PRKD1: variants seen among roughly 807,000 people sequenced by gnomAD.
The protein encoded by PRKD1 is protein kinase D1.
A neutral mutation model predicts 95.9 loss-of-function variants in PRKD1; 63 were observed. The observed-to-expected ratio is 0.66, with a 90% CI of 0.54 to 0.81. PRKD1 has a LOEUF of 0.81. Among genes scored for constraint, PRKD1 ranks in the 30% least tolerant of loss-of-function variants. PRKD1 has a pLI of 0.00. For synonymous variants in PRKD1, 425 were observed against 423.1 expected (o/e 1.00, Z -0.05); for missense variants, 1,048 against 1,165.3 (o/e 0.90, Z 1.47).
At chr14:29,908,710 C>G (rs1218732914) in intron 1 of PRKD1, among the ~76,000 whole-genome samples, 1 of 152,212 alleles carries the variant, frequency 6.6e-6, no homozygotes, top group African/African-American at 2.4e-5. Context: ...TGCAATAAAT[C>G]TATATACCAA....
At chr14:29,768,999 AC>A (rs1888386673) in intron 1 of PRKD1, among the ~76,000 whole-genome samples, 1 of 151,956 alleles carries the variant, frequency 6.6e-6, no homozygotes, top group Non-Finnish European at 1.5e-5. Flanking sequence ...CCCTACCACC[AC>A]CCTCACATTC....
intron 1 of PRKD1, among the ~76,000 whole-genome samples, chr14:29,864,139 TA>T (rs1481749178): frequency 6.6e-6 from 1 of 152,074 alleles, no homozygotes; most frequent in East Asian, 1.9e-4. Context: ...CCACATTAAT[TA>T]AAACATTTTG....
In PRKD1 at chr14:29,593,135, C is replaced by T. The variant is rs143326506; in HGVS notation, c.2434+4356G>A. ...AATACTCAAAGGCTGGGTGATTAAA[C>T]GAATTCACATATGAGTGTTTAGAAT... On this transcript the variant is annotated intron_variant, in intron 16 of 17. Transcript: ENST00000331968. Among the ~76,000 whole-genome samples the T allele has an allele frequency of 2.6e-3, 394 of 152,066 alleles. 1 individual carries two copies. Among genetic ancestry groups the T allele is most frequent in the African/African-American group, 9.1e-3 (379 of 41,482 alleles).
chr14:29,660,919 CA>C (rs904204272), intron 4 of PRKD1, among the ~76,000 whole-genome samples: 77 of 142,754 alleles, frequency 5.4e-4, no homozygotes, highest in Middle Eastern at 3.5e-3. Context: ...TGATAGTTTA[CA>C]AAAAAAAAAA....
At chr14:29,578,433 C>A in intron 16 of PRKD1, 73 bp from the exon 17 acceptor site, 1 of 1,081,438 alleles carries the variant, frequency 9.2e-7, no homozygotes, top group Non-Finnish European at 1.3e-6. Flanking sequence ...GTTTATTTCA[C>A]ATCTGCTATT....
intron 4 of PRKD1, among the ~76,000 whole-genome samples, chr14:29,642,520 G>C (rs7144059): frequency 1.3e-5 from 2 of 151,958 alleles, no homozygotes; most frequent in African/African-American, 2.4e-5. Flanking sequence ...ATAGCAATTC[G>C]AATCATAATG....
chr14:29,920,099 G>C (rs1482906856), intron 1 of PRKD1, among the ~76,000 whole-genome samples: 1 of 148,916 alleles, frequency 6.7e-6, no homozygotes, highest in Non-Finnish European at 1.5e-5. Context: ...AAAGAAAAGA[G>C]AAAAGGAAGA....
chr14:29,674,311 C>T (rs1883032001), intron 2 of PRKD1, among the ~76,000 whole-genome samples: 1 of 152,146 alleles, frequency 6.6e-6, no homozygotes, highest in South Asian at 2.1e-4. Flanking sequence ...GAGGAAATTG[C>T]TTTCCTATCT....
At position 29,786,059 on chromosome 14, in the gene PRKD1, T is replaced by C. The variant is rs563780022; in HGVS notation, c.265-60385A>G. On this transcript the variant is annotated intron_variant, in intron 1 of 17. Coordinates refer to ENST00000331968, the MANE Select transcript of PRKD1 (RefSeq NM_002742.3). ...TCAGAGTTTTCAACATGAAGGGATG[T>C]GAAACTTTATCAAATGCACTTTTTC... 2.0e-5 allele frequency among the ~76,000 whole-genome samples: 3 copies of C among 152,284 alleles called. No homozygotes were observed. The South Asian group carries it at 6.2e-4, about 32-fold the overall frequency.
At chr14:29,823,124 T>A (rs192606360) in intron 1 of PRKD1, among the ~76,000 whole-genome samples, 190 of 152,306 alleles carry the variant, frequency 1.2e-3, no homozygotes, top group African/African-American at 4.3e-3. Context: ...GAATATACTA[T>A]GTGTGAATCA....
chr14:29,836,265 C>T (rs1394005013), intron 1 of PRKD1, among the ~76,000 whole-genome samples: 1 of 152,202 alleles, frequency 6.6e-6, no homozygotes, highest in African/African-American at 2.4e-5. Flanking sequence ...GGTATTCTAT[C>T]TGGCGAACTG....
At chr14:29,880,224 G>A (rs1185250592) in intron 1 of PRKD1, among the ~76,000 whole-genome samples, 2 of 152,160 alleles carry the variant, frequency 1.3e-5, no homozygotes, top group Non-Finnish European at 2.9e-5. Flanking sequence ...TCGAGGGCCA[G>A]GCCCAGGGTC....
chr14:29,731,937 G>A (rs1886460085), intron 1 of PRKD1, among the ~76,000 whole-genome samples: 1 of 150,512 alleles, frequency 6.6e-6, no homozygotes, highest in Non-Finnish European at 1.5e-5. Flanking sequence ...GCAATGGTAC[G>A]ATCTTGGCTT....
In PRKD1 at chr14:29,666,394, G is replaced by A. The variant is rs45488297; in HGVS notation, c.404-186C>T. On this transcript the variant is annotated intron_variant, in intron 2 of 17. Transcript: ENST00000331968. Reference sequence around the variant, plus strand: ...ATTCCCAGCCATAGTTTTACAGTTGGTGGCACAGCAACCATCTCTCTTCTC... The same window carrying A: ...ATTCCCAGCCATAGTTTTACAGTTGATGGCACAGCAACCATCTCTCTTCTC... Among the ~76,000 whole-genome samples, 16 of 151,978 alleles carry A rather than the reference G, an allele frequency of 1.1e-4. No homozygotes were observed. The East Asian group carries it at 2.9e-3, about 28-fold the overall frequency.
intron 2 of PRKD1, among the ~76,000 whole-genome samples, chr14:29,712,315 A>G (rs1210171924): frequency 6.6e-6 from 1 of 152,076 alleles, no homozygotes; most frequent in Non-Finnish European, 1.5e-5. Context: ...AATTCTCCAC[A>G]CAGCTCTACA....
intron 1 of PRKD1, among the ~76,000 whole-genome samples, chr14:29,791,705 T>C (rs1242474857): frequency 6.6e-6 from 1 of 152,194 alleles, no homozygotes; most frequent in African/African-American, 2.4e-5. Flanking sequence ...TGCCACAATT[T>C]GTGCATCCAT....
chr14:29,885,928 C>T (rs1311714212), intron 1 of PRKD1, among the ~76,000 whole-genome samples: 1 of 151,812 alleles, frequency 6.6e-6, no homozygotes, highest in Non-Finnish European at 1.5e-5. Flanking sequence ...GATCGTACCA[C>T]CATGCTCCAG....
At chr14:29,911,814 T>C (rs1894723710) in intron 1 of PRKD1, among the ~76,000 whole-genome samples, 1 of 152,186 alleles carries the variant, frequency 6.6e-6, no homozygotes, top group Non-Finnish European at 1.5e-5. Flanking sequence ...AAAGTCAAAA[T>C]GTGGTTCCTT....
At chr14:29,649,138 T>G (rs1424114855) in intron 4 of PRKD1, among the ~76,000 whole-genome samples, 1 of 152,228 alleles carries the variant, frequency 6.6e-6, no homozygotes, top group Admixed American at 6.5e-5. Context: ...TGTATGACTC[T>G]GGCATGGCCA....
Sources: allele counts gnomAD v4.1 joint callset (sites outside exome capture counted in the v4.1 genomes callset), GRCh38; gene constraint gnomAD v4.1.1; transcripts MANE v1.5; gene names NCBI Gene and HGNC (gene_info 2026-07-23, HGNC 2026-07-21).